Variants in RASGRF2 observed in about 807,000 individuals in gnomAD.
The protein encoded by RASGRF2 is Ras protein specific guanine nucleotide releasing factor 2, also known as ras-specific guanine nucleotide-releasing factor 2.
Under a neutral mutation model 151.0 loss-of-function variants are expected in RASGRF2, and 76 were observed. The observed-to-expected ratio is 0.50, with a 90% CI of 0.42 to 0.61. The LOEUF is 0.61. Among genes scored for constraint, RASGRF2 ranks in the 20% least tolerant of loss-of-function variants. RASGRF2 has a pLI of 0.00. For synonymous variants in RASGRF2, 504 were observed against 566.5 expected (o/e 0.89, Z 1.57); for missense variants, 1,148 against 1,564.6 (o/e 0.73, Z 4.49).
chr5:81,139,405 CTT>C (rs757190046), intron 17 of RASGRF2, among the ~76,000 whole-genome samples: 4 of 60,422 alleles, frequency 6.6e-5, no homozygotes, highest in Admixed American at 1.6e-4. Flanking sequence ...TTCTTTCTTT[CTT>C]TTTTTTTTTT....
At chr5:81,115,082 A>C (rs1168887241) in intron 15 of RASGRF2, among the ~76,000 whole-genome samples, 1 of 152,190 alleles carries the variant, frequency 6.6e-6, no homozygotes, top group Non-Finnish European at 1.5e-5. Flanking sequence ...TAATATAATA[A>C]AAATTGGGCA....
intron 2 of RASGRF2, among the ~76,000 whole-genome samples, chr5:81,057,105 T>C (rs1751243916): frequency 6.6e-6 from 1 of 152,246 alleles, no homozygotes; most frequent in Admixed American, 6.5e-5. Context: ...CTGTGTCTTT[T>C]AATTGGAGCA....
intron 7 of RASGRF2, among the ~76,000 whole-genome samples, chr5:81,084,888 G>C (rs1293518283): frequency 6.6e-6 from 1 of 152,228 alleles, no homozygotes; most frequent in Non-Finnish European, 1.5e-5. Context: ...TGGGATTATA[G>C]TTGACGCTCC....
rs185057087 is a variant in RASGRF2, at chr5:81,117,076, C to T, written c.2470+3156C>T. Among the ~76,000 whole-genome samples the T allele has an allele frequency of 3.2e-4, 48 of 152,296 alleles. 1 individual carries two copies. Among genetic ancestry groups the T allele is most frequent in the Admixed American group, 9.1e-4 (14 of 15,308 alleles). On this transcript the variant is annotated intron_variant, in intron 15 of 26. Transcript: ENST00000265080. Reference sequence around the variant, plus strand: ...TTGTTGTGCAGGGAATGTTCCACTTCGATCACCAACTTCCCTAGTTTTAGT... The same window carrying T: ...TTGTTGTGCAGGGAATGTTCCACTTTGATCACCAACTTCCCTAGTTTTAGT...
intron 1 of RASGRF2, among the ~76,000 whole-genome samples, chr5:81,006,489 T>C (rs373804792): frequency 3.0e-4 from 46 of 152,340 alleles, no homozygotes; most frequent in African/African-American, 1.0e-3. Flanking sequence ...TCATATGTAG[T>C]AGGCAGAGAT....
intron 17 of RASGRF2, among the ~76,000 whole-genome samples, chr5:81,178,980 C>T (rs1754850145): frequency 6.6e-6 from 1 of 152,132 alleles, no homozygotes; most frequent in Non-Finnish European, 1.5e-5. Context: ...CCTCATGATC[C>T]ACCGCCTTGG....
At chr5:81,207,206 C>T in intron 20 of RASGRF2, 40 bp from the exon 21 acceptor site, 1 of 1,554,806 alleles carries the variant, frequency 6.4e-7, no homozygotes, top group East Asian at 2.2e-5. Flanking sequence ...GGCAGGCGCC[C>T]TCTCCTGGGT....
chr5:80,960,456 C>A lies in RASGRF2; in HGVS notation c.-283C>A, dbSNP rs1425356193. ...GGCCGGCTCGGGCGCCCTCGCGGGGCCGCGCTCCACGCGGGCGTTGGGGGC... is the reference window on the plus strand; with the variant it reads ...GGCCGGCTCGGGCGCCCTCGCGGGGACGCGCTCCACGCGGGCGTTGGGGGC... On this transcript the variant is annotated 5_prime_UTR_variant, in exon 1 of 27. Transcript: ENST00000265080. The surrounding 1 kb of genome is among the most constrained non-coding windows in gnomAD (Gnocchi z 5.5). 4.7e-5 allele frequency among the ~76,000 whole-genome samples: 7 copies of A among 148,230 alleles called. No individual in the cohort carries two copies. In the East Asian group the frequency reaches 1.5e-3, roughly 31 times the overall value.
At position 81,111,261 on chromosome 5, in the gene RASGRF2, C is replaced by T. The variant is rs117386767; in HGVS notation, c.1839-1349C>T. 5.3e-5 allele frequency among the ~76,000 whole-genome samples: 8 copies of T among 152,206 alleles called. No individual in the cohort carries two copies. In the East Asian group the frequency reaches 1.2e-3, roughly 22 times the overall value. Reference sequence around the variant, plus strand: ...TGAAATTCAGGACTTCATTGATCGCCGGTCCTGAAATGCTGCAGTGAAGGT... The same window carrying T: ...TGAAATTCAGGACTTCATTGATCGCTGGTCCTGAAATGCTGCAGTGAAGGT... On this transcript the variant is annotated intron_variant, in intron 13 of 26. Coordinates refer to ENST00000265080, the MANE Select transcript of RASGRF2 (RefSeq NM_006909.3).
chr5:80,984,337 G>C (rs1748409892), intron 1 of RASGRF2, among the ~76,000 whole-genome samples: 1 of 152,200 alleles, frequency 6.6e-6, no homozygotes, highest in Non-Finnish European at 1.5e-5. Flanking sequence ...ATAGGCATGA[G>C]CCACTGCACC....
intron 17 of RASGRF2, among the ~76,000 whole-genome samples, chr5:81,137,217 G>A (rs1011648114): frequency 2.0e-5 from 3 of 152,096 alleles, no homozygotes; most frequent in Non-Finnish European, 4.4e-5. Flanking sequence ...ACACTTTATT[G>A]TAAAATGGGC....
intron 1 of RASGRF2, among the ~76,000 whole-genome samples, chr5:80,982,580 C>CTAATTAT (rs1554082598): frequency 5.9e-5 from 8 of 135,170 alleles, no homozygotes; most frequent in African/African-American, 2.2e-4. Context: ...AAATTTGGTT[C>CTAATTAT]TATTATTATT....
intron 12 of RASGRF2, among the ~76,000 whole-genome samples, chr5:81,108,726 G>C (rs59609482): frequency 0.012 from 1,772 of 152,246 alleles, 28 homozygotes; most frequent in African/African-American, 0.039. Context: ...ACATTCAGGG[G>C]AAGTACAGCT....
rs73128825 is a variant in RASGRF2 at position 81,128,282 on chromosome 5, T to C, written c.2686+1119T>C. The stretch of plus-strand genomic sequence containing the variant: ...AATGGTTAAGAGAGTAGATTTTAGA[T>C]GCTCTCCCCACAAAAAAATGGTAAG... On this transcript the variant is annotated intron_variant, in intron 17 of 26. Transcript: ENST00000265080. Among the ~76,000 whole-genome samples, 1,090 of 152,296 alleles carry C rather than the reference T, an allele frequency of 7.2e-3. 16 individuals are homozygous for C. The highest frequency in any genetic ancestry group is 0.025 in the African/African-American group (1,027 of 41,558).
chr5:81,129,645 G>A (rs186554987), intron 17 of RASGRF2, among the ~76,000 whole-genome samples: 14 of 152,194 alleles, frequency 9.2e-5, no homozygotes, highest in East Asian at 1.9e-4. Context: ...CAATCTTGTC[G>A]ATACAGTTGG....
At chr5:80,971,388 CGTT>C (rs1358319781) in intron 1 of RASGRF2, among the ~76,000 whole-genome samples, 9 of 152,126 alleles carry the variant, frequency 5.9e-5, no homozygotes, top group African/African-American at 7.2e-5. Flanking sequence ...GATTCATCCA[CGTT>C]GTTGTTTGTT....
chr5:80,964,482 A>C (rs1747663419), intron 1 of RASGRF2, among the ~76,000 whole-genome samples: 1 of 152,116 alleles, frequency 6.6e-6, no homozygotes, highest in African/African-American at 2.4e-5. Flanking sequence ...GGAGATGATG[A>C]GTATTAACAT....
At chr5:81,214,817 G>A (rs183852575) in intron 23 of RASGRF2, among the ~76,000 whole-genome samples, 1 of 152,294 alleles carries the variant, frequency 6.6e-6, no homozygotes, top group African/African-American at 2.4e-5. Flanking sequence ...ACTCTCCTAT[G>A]TTCATGGAAG....
At chr5:81,042,250 A>T (rs1750699991) in intron 1 of RASGRF2, among the ~76,000 whole-genome samples, 1 of 152,192 alleles carries the variant, frequency 6.6e-6, no homozygotes, top group Non-Finnish European at 1.5e-5. Context: ...AGAAATCCTG[A>T]TCACATCTTG....
Sources: gnomAD v4.1 joint callset for allele counts (sites outside exome capture counted in the v4.1 genomes callset) on GRCh38, gnomAD v4.1.1 for gene constraint, Gnocchi (gnomAD v3.1) non-coding constraint, MANE v1.5 for transcripts, NCBI Gene and HGNC (gene_info 2026-07-23, HGNC 2026-07-21) for gene names.